Variants in FGGY observed in about 807,000 individuals in gnomAD.
The protein encoded by FGGY is FGGY carbohydrate kinase domain-containing protein.
In FGGY, 72 loss-of-function variants were observed where a neutral mutation model predicts 71.3. That is an observed-to-expected ratio of 1.01 (90% CI 0.84 to 1.23). FGGY has a LOEUF of 1.23. Among genes scored for constraint, FGGY ranks in the 50% most tolerant of loss-of-function variants. The pLI is 0.00. For synonymous variants in FGGY, 251 were observed against 250.3 expected, an observed-to-expected ratio of 1.00 and a Z score of -0.02; for missense variants, 668 against 682.3, an observed-to-expected ratio of 0.98 and a Z score of 0.23.
intron 5 of FGGY, among the ~76,000 whole-genome samples, chr1:59,428,488 C>CT (rs1422146289): frequency 6.6e-6 from 1 of 152,214 alleles, no homozygotes; most frequent in Non-Finnish European, 1.5e-5. Context: ...GTGTGTATGG[C>CT]TTTGCCTATC....
At chr1:59,399,257 C>T (rs997145811) in intron 5 of FGGY, among the ~76,000 whole-genome samples, 2 of 152,132 alleles carry the variant, frequency 1.3e-5, no homozygotes, top group Non-Finnish European at 2.9e-5. Flanking sequence ...TTAAATACCC[C>T]TTTGTCCCTT....
chr1:59,762,442 A>G (rs1366416596), intron 15 of FGGY, 61 bp from the exon 16 acceptor site: 3 of 1,276,414 alleles, frequency 2.4e-6, no homozygotes, highest in Non-Finnish European at 3.4e-6. Context: ...CTAAATGTAC[A>G]GGGAAGCCCT....
intron 5 of FGGY, among the ~76,000 whole-genome samples, chr1:59,396,938 C>T (rs188172182): frequency 5.3e-5 from 8 of 152,024 alleles, no homozygotes; most frequent in African/African-American, 1.7e-4. Flanking sequence ...GAATCCACAG[C>T]ATTCCACAAT....
At chr1:59,567,215 A>G (rs2095888489) in intron 8 of FGGY, among the ~76,000 whole-genome samples, 2 of 152,162 alleles carry the variant, frequency 1.3e-5, no homozygotes, top group African/African-American at 4.8e-5. Context: ...TCCTTGATTA[A>G]CTGACCCTTC....
chr1:59,538,664 A>C (rs939885468), intron 7 of FGGY, among the ~76,000 whole-genome samples: 1 of 152,026 alleles, frequency 6.6e-6, no homozygotes, highest in African/African-American at 2.4e-5. Context: ...CTATGCAGCC[A>C]TAAAAAAGGA....
chr1:59,577,423 G>A (rs967155188), intron 8 of FGGY, among the ~76,000 whole-genome samples: 1 of 152,148 alleles, frequency 6.6e-6, no homozygotes, highest in African/African-American at 2.4e-5. Flanking sequence ...ATTATTGAAA[G>A]TGATTATTCT....
At position 59,343,740 on chromosome 1, in the gene FGGY, C is replaced by T. The variant is rs551408455; in HGVS notation, c.314-2507C>T. 1.3e-4 allele frequency among the ~76,000 whole-genome samples: 19 copies of T among 151,008 alleles called. 1 individual carries two copies. Among genetic ancestry groups the T allele is most frequent in the African/African-American group, 2.7e-4 (11 of 40,490 alleles). ...TTAACTTCTCAGTTTTTATCTAAAA[C>T]GAAAATTATTAATTCTAATACAGTA... is the stretch of plus-strand genomic sequence containing the variant. On this transcript the variant is annotated intron_variant, in intron 3 of 15. Transcript: ENST00000303721.
At chr1:59,713,325 C>T (rs776159018) in intron 14 of FGGY, among the ~76,000 whole-genome samples, 5 of 152,268 alleles carry the variant, frequency 3.3e-5, no homozygotes, top group Admixed American at 2.6e-4. Context: ...TCTTCCAAAC[C>T]GTTCTACCCT....
chr1:59,462,887 G>A (rs1272377171), intron 6 of FGGY, among the ~76,000 whole-genome samples: 3 of 151,616 alleles, frequency 2.0e-5, no homozygotes, highest in Non-Finnish European at 4.4e-5. Flanking sequence ...AACCATTGTG[G>A]AAGTCAGTGT....
intron 14 of FGGY, among the ~76,000 whole-genome samples, chr1:59,694,798 T>C (rs535804761): frequency 6.6e-6 from 1 of 152,196 alleles, no homozygotes; most frequent in East Asian, 1.9e-4. Flanking sequence ...TAGCTGGGAC[T>C]ATGGATGTAC....
chr1:59,306,857 C>A (rs902143600), intron 1 of FGGY, among the ~76,000 whole-genome samples: 1 of 152,150 alleles, frequency 6.6e-6, no homozygotes, highest in Non-Finnish European at 1.5e-5. Flanking sequence ...GTCCCTTAAC[C>A]ATCTAGATTT....
At chr1:59,364,354 G>T (rs2056193965) in intron 4 of FGGY, among the ~76,000 whole-genome samples, 1 of 152,220 alleles carries the variant, frequency 6.6e-6, no homozygotes, top group Non-Finnish European at 1.5e-5. Context: ...AGTCTGGCTT[G>T]CCTAGAATAT....
At chr1:59,591,578 T>C (rs2096439203) in intron 8 of FGGY, among the ~76,000 whole-genome samples, 2 of 152,132 alleles carry the variant, frequency 1.3e-5, no homozygotes, top group Non-Finnish European at 1.5e-5. Context: ...ATGGTACTGG[T>C]AACAAAACAG....
At chr1:59,666,006 A>T (rs965955034) in intron 12 of FGGY, among the ~76,000 whole-genome samples, 2 of 152,180 alleles carry the variant, frequency 1.3e-5, no homozygotes, top group South Asian at 4.2e-4. Context: ...CTAAACTCCG[A>T]TTCTTCTTGC....
intron 7 of FGGY, among the ~76,000 whole-genome samples, chr1:59,545,083 T>C (rs1044800159): frequency 6.6e-6 from 1 of 152,208 alleles, no homozygotes; most frequent in African/African-American, 2.4e-5. Flanking sequence ...GAGTCACTGG[T>C]CATTCGCATA....
chr1:59,465,520 GA>G (rs1367158345), intron 6 of FGGY, among the ~76,000 whole-genome samples: 2 of 152,206 alleles, frequency 1.3e-5, no homozygotes, highest in Non-Finnish European at 2.9e-5. Context: ...AGTCAGGCAA[GA>G]GAAAGAAATA....
rs142718178 is a variant in FGGY, at chr1:59,306,842, T to C, written c.-15+9692T>C. 1.3e-3 allele frequency among the ~76,000 whole-genome samples: 203 copies of C among 152,322 alleles called. 1 individual carries two copies. The highest frequency in any genetic ancestry group is 4.7e-3 in the African/African-American group (196 of 41,584). ...TAAAAATTGTTCAGGCTAAATATATTACCAGTCCCTTAACCATCTAGATTT... is the reference window on the plus strand; with the variant it reads ...TAAAAATTGTTCAGGCTAAATATATCACCAGTCCCTTAACCATCTAGATTT... On this transcript the variant is annotated intron_variant, in intron 1 of 15. Transcript: ENST00000303721.
intron 14 of FGGY, among the ~76,000 whole-genome samples, chr1:59,707,879 G>A (rs1399628799): frequency 6.6e-6 from 1 of 152,192 alleles, no homozygotes; most frequent in African/African-American, 2.4e-5. Flanking sequence ...AAGGGACCCA[G>A]TCTGTTTGAA....
intron 14 of FGGY, among the ~76,000 whole-genome samples, chr1:59,707,155 A>T (rs138192724): frequency 1.3e-5 from 2 of 152,348 alleles, no homozygotes; most frequent in East Asian, 3.9e-4. Context: ...ATCAGGATTT[A>T]TCTGCAGCAG....
Sources: gnomAD v4.1 joint callset for allele counts (sites outside exome capture counted in the v4.1 genomes callset) on GRCh38, gnomAD v4.1.1 for gene constraint, MANE v1.5 for transcripts, NCBI Gene and HGNC (gene_info 2026-07-23, HGNC 2026-07-21) for gene names.